MAP1S: variants seen among roughly 807,000 people sequenced by gnomAD.
The protein encoded by MAP1S is microtubule associated protein 1S, also known as microtubule-associated protein 1S.
A neutral mutation model predicts 60.9 loss-of-function variants in MAP1S; 27 were observed. That is an observed-to-expected ratio of 0.44 (90% CI 0.33 to 0.61). The LOEUF (loss-of-function observed/expected upper bound fraction) is 0.61. Among genes scored for constraint, MAP1S ranks in the 20% least tolerant of loss-of-function variants. The pLI is 0.03. For missense variants in MAP1S, 1,608 were observed against 1,486.6 expected, an observed-to-expected ratio of 1.08 and a Z score of -1.34; for synonymous variants, 826 against 694.2, an observed-to-expected ratio of 1.19 and a Z score of -2.98.
In MAP1S at chr19:17,727,535, G is replaced by C. The variant is rs2080448368; in HGVS notation, c.2151G>C (p.Leu717=). 6.2e-7 allele frequency: 1 copy of C among 1,609,904 alleles called. No homozygotes were observed. ...CCGCCCCCACCAGTGAGGCTGGGCT[G>C]AGCCTCCCGCTGCGTGGCCCCCGGG... is the stretch of plus-strand genomic sequence containing the variant. ...PPSAPTSEAG[L]SLPLRGPRAR... is the part of the protein sequence containing the mutation. The change falls in exon 5 of 7, where the codon CTG becomes CTC. Residue 717 remains leucine (L), a synonymous_variant. Transcript: ENST00000324096. This position sits in a 1 kb window ranked among gnomAD's most constrained non-coding sequence, Gnocchi z 4.1.
chr19:17,719,493 C>G lies in MAP1S; in HGVS notation c.-10C>G. On this transcript the variant is annotated 5_prime_UTR_variant, in exon 1 of 7. Transcript: ENST00000324096. ...GGGGCGGGCGCCGAGAACGCCGGGG[C>G]GGCCCGAAGATGGCGGCGGTGGCTG... 8.1e-7 allele frequency: 1 copy of G among 1,241,632 alleles called. No individual in the cohort carries two copies. The highest frequency in any genetic ancestry group is 1.0e-6 in the Non-Finnish European group (1 of 985,240). The allele number at this position is 1,241,632 out of a possible 1,614,324, so 76.9% of individuals were successfully genotyped here. A position where few individuals can be genotyped will look rare whatever the true frequency, so the allele number is the denominator to read the frequency against.
chr19:17,720,774 G>C, intron 1 of MAP1S, 162 bp from the exon 2 acceptor site: 1 of 675,808 alleles, frequency 1.5e-6, no homozygotes, highest in South Asian at 1.7e-5. Context: ...CCCTGGCTCA[G>C]CTGCAGCGAG....
chr19:17,730,159 G>GA (rs1304597045), intron 5 of MAP1S, among the ~76,000 whole-genome samples: 2 of 152,192 alleles, frequency 1.3e-5, no homozygotes, highest in Non-Finnish European at 1.5e-5. Flanking sequence ...GCAGCTGCTT[G>GA]ACGCTAGCCA....
chr19:17,733,326 C>G lies in MAP1S; in HGVS notation c.2922C>G (p.Leu974=). 1 of 1,608,006 alleles carries G rather than the reference C, an allele frequency of 6.2e-7. No homozygotes were observed. ...AGTTCTTCCAGCGCGTGCGCGCGCT[C>G]TGCTACGTCATCAGTGGCCAGGACC... is the stretch of plus-strand genomic sequence containing the variant. The part of the protein sequence containing the change: ...DEEFFQRVRA[L]CYVISGQDQR... Residue 974 remains leucine, a synonymous_variant, in exon 6 of 7, where the codon CTC becomes CTG. Coordinates refer to ENST00000324096, the MANE Select transcript of MAP1S (RefSeq NM_018174.6).
rs752631572 is a variant in MAP1S at position 17,727,627 on chromosome 19, G to A, written c.2243G>A (p.Arg748His). The A allele has an allele frequency of 1.2e-6, 2 of 1,607,676 alleles. No individual in the cohort carries two copies. The highest frequency in any genetic ancestry group is 1.7e-5 in the Admixed American group (1 of 59,982). Reference sequence around the variant, plus strand: ...GTGTCACCCTGTGAATTTGAGCATCGCAAGGCGGTGCCAATGGCACCGGCA... The same window carrying A: ...GTGTCACCCTGTGAATTTGAGCATCACAAGGCGGTGCCAATGGCACCGGCA... ...CLVSPCEFEH[R>H]KAVPMAPAPA... The change falls in exon 5 of 7, where the codon CGC becomes CAC. Residue 748 changes from arginine (R) to histidine (H), a missense_variant. Coordinates refer to ENST00000324096, the MANE Select transcript of MAP1S (RefSeq NM_018174.6). This position sits in a 1 kb window ranked among gnomAD's most constrained non-coding sequence, Gnocchi z 4.1.
chr19:17,720,256 T>A, intron 1 of MAP1S: 1 of 1,399,380 alleles, frequency 7.1e-7, no homozygotes, highest in South Asian at 1.6e-5. Flanking sequence ...TCATCCCCCA[T>A]CCCTCGGAGC....
At position 17,728,111 on chromosome 19, in the gene MAP1S, A is replaced by T. The variant is rs1410931404; in HGVS notation, c.2727A>T (p.Gly909=). The T allele has an allele frequency of 6.2e-7, 1 of 1,611,908 alleles. No individual in the cohort carries two copies. Among genetic ancestry groups the T allele is most frequent in the African/African-American group, 1.3e-5 (1 of 74,962 alleles). ...CCCGGAGTGAGCCCAGTGAGAAGGGAGGCCGGGCACCCCTGTCCAGAAAGT... is the reference window on the plus strand; with the variant it reads ...CCCGGAGTGAGCCCAGTGAGAAGGGTGGCCGGGCACCCCTGTCCAGAAAGT... ...LSARSEPSEK[G]GRAPLSRKSS... is the part of the protein sequence containing the mutation. The change falls in exon 5 of 7, where the codon GGA becomes GGT. Residue 909 remains glycine, a synonymous_variant. Coordinates refer to ENST00000324096, the MANE Select transcript of MAP1S (RefSeq NM_018174.6).
At position 17,724,415 on chromosome 19, in the gene MAP1S, G is replaced by T. The variant is rs549444032; in HGVS notation, c.303+207G>T. On this transcript the variant is annotated intron_variant, in intron 3 of 6. Transcript: ENST00000324096. The stretch of plus-strand genomic sequence containing the variant: ...TGGGAGCAGAAAAGCCTGGACTTTG[G>T]GAGGGAGGGGAGGGTAAGCACTCCC... Among the ~76,000 whole-genome samples the T allele has an allele frequency of 2.6e-5, 4 of 152,246 alleles. No individual in the cohort carries two copies. The South Asian group carries it at 8.3e-4, about 32-fold the overall frequency.
At chr19:17,721,256 G>C (rs2080368048) in intron 2 of MAP1S, 1 of 564,154 alleles carries the variant, frequency 1.8e-6, no homozygotes, top group Admixed American at 2.7e-5. Context: ...GACAGATGAG[G>C]AAATTGGCAT....
chr19:17,731,596 T>C (rs1464753787), intron 5 of MAP1S, among the ~76,000 whole-genome samples: 1 of 152,202 alleles, frequency 6.6e-6, no homozygotes, highest in East Asian at 1.9e-4. Flanking sequence ...TTCACATTGT[T>C]CATTGTTCAT....
intron 1 of MAP1S, 199 bp from the exon 2 acceptor site, chr19:17,720,737 G>A: frequency 1.6e-6 from 1 of 623,952 alleles, no homozygotes; most frequent in Non-Finnish European, 2.8e-6. Flanking sequence ...AATCTTGTGT[G>A]TAAAATGATG....
At chr19:17,723,157 T>A (rs2080386212) in intron 2 of MAP1S, among the ~76,000 whole-genome samples, 1 of 151,892 alleles carries the variant, frequency 6.6e-6, no homozygotes, top group Non-Finnish European at 1.5e-5. Flanking sequence ...GCCCCACCCC[T>A]AGCTGAGTCC....
At chr19:17,728,394 C>T (rs1181584724) in intron 5 of MAP1S, among the ~76,000 whole-genome samples, 2 of 152,152 alleles carry the variant, frequency 1.3e-5, no homozygotes, top group Non-Finnish European at 2.9e-5. Flanking sequence ...GGACTACTGG[C>T]ACCGCCACTA....
chr19:17,721,225 C>A (rs2080367829), intron 2 of MAP1S, 188 bp downstream of exon 2: 6 of 616,252 alleles, frequency 9.7e-6, no homozygotes, highest in Non-Finnish European at 1.5e-5. Flanking sequence ...AGTGCAGGAA[C>A]TGGTGTTTTT....
Position 17,726,465 on chromosome 19 carries a change from C to T in MAP1S, c.1081C>T (p.Leu361Phe). ...GEDEAELALSLLAQLGITPLP... is the reference protein window; with the variant it reads ...GEDEAELALSFLAQLGITPLP... Reference sequence around the variant, plus strand: ...GGATGAGGCGGAGCTGGCGCTGAGCCTCCTGGCGCAGCTGGGCATCACGCC... The same window carrying T: ...GGATGAGGCGGAGCTGGCGCTGAGCTTCCTGGCGCAGCTGGGCATCACGCC... Residue 361 changes from leucine (L) to phenylalanine (F), a missense_variant, in exon 5 of 7, where the codon CTC (leucine) becomes TTC (phenylalanine). Around this residue, in one of 4 missense-constraint regions of MAP1S, gnomAD observed 1,167 missense variants for 961.4 expected, o/e 1.21. Coordinates refer to ENST00000324096, the MANE Select transcript of MAP1S (RefSeq NM_018174.6). 1 of 1,551,028 alleles carries T rather than the reference C, an allele frequency of 6.4e-7. No individual in the cohort carries two copies. Among genetic ancestry groups the T allele is most frequent in the Non-Finnish European group, 8.7e-7 (1 of 1,153,696 alleles).
chr19:17,724,786 G>A (rs1318139024), intron 3 of MAP1S, among the ~76,000 whole-genome samples: 1 of 152,174 alleles, frequency 6.6e-6, no homozygotes, highest in Non-Finnish European at 1.5e-5. Context: ...GGACTAGAGA[G>A]AGCCCAGAAA....
At position 17,733,258 on chromosome 19, in the gene MAP1S, G is replaced by A. The variant is rs1387607823; in HGVS notation, c.2854G>A (p.Ala952Thr). 2 of 1,558,058 alleles carry A rather than the reference G, an allele frequency of 1.3e-6. No individual in the cohort carries two copies. The highest frequency in any genetic ancestry group is 2.4e-5 in the East Asian group (1 of 41,484). The change falls in exon 6 of 7, where the codon GCC becomes ACC. Residue 952 changes from alanine (A) to threonine (T), a missense_variant. Transcript: ENST00000324096. ...PPKSPVYLDL[A>T]YLPSGSSAHL... ...CAAGTCCCCGGTCTACCTGGACCTGGCCTACCTGCCCAGCGGGAGCAGCGC... is the reference window on the plus strand; with the variant it reads ...CAAGTCCCCGGTCTACCTGGACCTGACCTACCTGCCCAGCGGGAGCAGCGC...
rs1655885297 is a variant in MAP1S, at chr19:17,734,281, G to C, written c.3033G>C (p.Leu1011=). 1 of 1,612,646 alleles carries C rather than the reference G, an allele frequency of 6.2e-7. No homozygotes were observed. The highest frequency in any genetic ancestry group is 8.5e-7 in the Non-Finnish European group (1 of 1,179,166). Residue 1011 remains leucine (L), a synonymous_variant, in exon 7 of 7, where the codon CTG becomes CTC. Coordinates refer to ENST00000324096, the MANE Select transcript of MAP1S (RefSeq NM_018174.6). ...QHWDRDLQVT[L]IPTFDSVAMH... Reference sequence around the variant, plus strand: ...CCCCCCTCCACCTGCAGGTGACCCTGATCCCCACTTTCGACTCGGTGGCCA... The same window carrying C: ...CCCCCCTCCACCTGCAGGTGACCCTCATCCCCACTTTCGACTCGGTGGCCA...
intron 5 of MAP1S, among the ~76,000 whole-genome samples, chr19:17,729,876 C>T (rs774432461): frequency 6.6e-5 from 10 of 152,062 alleles, no homozygotes; most frequent in East Asian, 3.9e-4. Flanking sequence ...CTGGTCAGGC[C>T]GGTCTCGAAC....
Sources: gnomAD v4.1 joint callset for allele counts (sites outside exome capture counted in the v4.1 genomes callset) on GRCh38, gnomAD v4.1.1 for gene constraint, gnomAD v4.1.1 regional missense constraint, Gnocchi (gnomAD v3.1) non-coding constraint, MANE v1.5 for transcripts, NCBI Gene and HGNC (gene_info 2026-07-23, HGNC 2026-07-21) for gene names.